Variants in RNF130 observed in about 807,000 individuals in gnomAD.
RNF130 encodes the protein E3 ubiquitin-protein ligase RNF130.
A neutral mutation model predicts 44.6 loss-of-function variants in RNF130; 21 were observed. The observed-to-expected ratio is 0.47, with a 90% CI of 0.33 to 0.68. RNF130 has a LOEUF of 0.68. Ranked by LOEUF, RNF130 falls within the 30% of genes least tolerant of loss-of-function variation. RNF130 has a pLI of 0.02. For missense variants in RNF130, 479 were observed against 560.6 expected (o/e 0.85, Z 1.47); for synonymous variants, 214 against 210.4 (o/e 1.02, Z -0.15).
At chr5:180,064,228 T>C (rs956102945) in intron 1 of RNF130, among the ~76,000 whole-genome samples, 2 of 152,212 alleles carry the variant, frequency 1.3e-5, no homozygotes, top group Non-Finnish European at 2.9e-5. Context: ...TTCCACAGCA[T>C]GTCACTGGAG....
At chr5:179,974,607 C>G (rs949468606) in intron 5 of RNF130, among the ~76,000 whole-genome samples, 1 of 152,202 alleles carries the variant, frequency 6.6e-6, no homozygotes, top group Non-Finnish European at 1.5e-5. Flanking sequence ...AAGATGGACA[C>G]GAGGGTGTCC....
At chr5:180,005,547 T>A (rs995717599) in intron 3 of RNF130, among the ~76,000 whole-genome samples, 1 of 152,198 alleles carries the variant, frequency 6.6e-6, no homozygotes, top group Non-Finnish European at 1.5e-5. Context: ...TAATATCAGC[T>A]CAACACTCAC....
intron 1 of RNF130, among the ~76,000 whole-genome samples, chr5:180,062,925 G>T (rs1034397842): frequency 6.6e-6 from 1 of 152,190 alleles, no homozygotes; most frequent in Non-Finnish European, 1.5e-5. Context: ...AACACTGTGG[G>T]ATGCCAACCA....
intron 2 of RNF130, among the ~76,000 whole-genome samples, chr5:180,033,021 G>A (rs569607531): frequency 6.6e-5 from 10 of 151,668 alleles, no homozygotes; most frequent in African/African-American, 1.7e-4. Context: ...GTTGCCCGGC[G>A]AGAATGCAGC....
chr5:180,024,714 C>G (rs979228343), intron 2 of RNF130, among the ~76,000 whole-genome samples: 5 of 152,166 alleles, frequency 3.3e-5, no homozygotes, highest in Admixed American at 6.5e-5. Flanking sequence ...CTTGGAAATT[C>G]AGAAAGAAAT....
exon 8 of RNF130, chr5:179,920,384 A>C (rs1016471088): frequency 1.4e-6 from 1 of 702,604 alleles, no homozygotes; most frequent in Admixed American, 2.0e-5. Flanking sequence ...TTCATACACC[A>C]GACTCCGAGG....
At chr5:180,059,100 G>A (rs1323612445) in intron 1 of RNF130, among the ~76,000 whole-genome samples, 2 of 151,992 alleles carry the variant, frequency 1.3e-5, no homozygotes, top group Non-Finnish European at 2.9e-5. Flanking sequence ...CAACTCTACT[G>A]TGCCCCACTC....
intron 3 of RNF130, among the ~76,000 whole-genome samples, chr5:180,002,781 C>T (rs1462753407): frequency 6.6e-6 from 1 of 152,192 alleles, no homozygotes; most frequent in Non-Finnish European, 1.5e-5. Flanking sequence ...GAGCTTCTGT[C>T]ATTCCTCGGA....
chr5:180,039,501 G>A (rs903217614), intron 2 of RNF130, among the ~76,000 whole-genome samples: 11 of 152,070 alleles, frequency 7.2e-5, no homozygotes, highest in African/African-American at 2.7e-4. Context: ...GCCTCCTAAA[G>A]TATATCTTAC....
At chr5:180,028,381 A>C (rs1764042315) in intron 2 of RNF130, among the ~76,000 whole-genome samples, 1 of 152,068 alleles carries the variant, frequency 6.6e-6, no homozygotes, top group Admixed American at 6.5e-5. Flanking sequence ...CCCTCTCTCT[A>C]CTTGCAGTTA....
chr5:179,956,014 C>T lies in RNF130; in HGVS notation c.1245-345G>A, dbSNP rs546100879. Reference sequence around the variant, plus strand: ...GAATGCTGAGGGTGCTGAAATCTGCCGCTGTTGTCTTTAAAAAATGCTCCT... The same window carrying T: ...GAATGCTGAGGGTGCTGAAATCTGCTGCTGTTGTCTTTAAAAAATGCTCCT... On this transcript the variant is annotated intron_variant, in intron 8 of 8. Transcript: ENST00000521389. The T allele has an allele frequency of 3.6e-4, 76 of 211,114 alleles. 1 individual carries two copies. Among genetic ancestry groups the T allele is most frequent in the African/African-American group, 1.1e-3 (49 of 43,964 alleles). The allele number at this position is 211,114 out of a possible 1,614,324, so 13.1% of individuals were successfully genotyped here.
intron 1 of RNF130, among the ~76,000 whole-genome samples, chr5:180,045,547 T>C (rs1269949688): frequency 6.6e-6 from 1 of 152,244 alleles, no homozygotes; most frequent in Non-Finnish European, 1.5e-5. Flanking sequence ...TTGCCGCTGC[T>C]GGCTCGGGCA....
intron 2 of RNF130, among the ~76,000 whole-genome samples, chr5:180,013,735 G>C (rs1290344571): frequency 6.6e-6 from 1 of 152,162 alleles, no homozygotes; most frequent in Non-Finnish European, 1.5e-5. Context: ...AATTCCTTAA[G>C]AAATGGAGTA....
chr5:179,931,032 C>CAAAAAAAAAA (rs34266288), intron 7 of RNF130, among the ~76,000 whole-genome samples: 1 of 74,300 alleles, frequency 1.3e-5, no homozygotes, highest in Non-Finnish European at 2.6e-5. Context: ...ACCTCTGTCT[C>CAAAAAAAAAA]AAAAAAAAAA....
intron 1 of RNF130, among the ~76,000 whole-genome samples, chr5:180,051,815 T>C (rs1764693202): frequency 6.6e-6 from 1 of 152,210 alleles, no homozygotes. Context: ...TGACGGCTAA[T>C]ACAAATCACT....
chr5:179,998,072 C>T (rs1254426985), intron 3 of RNF130, among the ~76,000 whole-genome samples: 1 of 152,102 alleles, frequency 6.6e-6, no homozygotes, highest in Non-Finnish European at 1.5e-5. Flanking sequence ...GATCTCTTGA[C>T]CTCGTGATCC....
At chr5:179,970,127 C>T (rs1385133460) in intron 6 of RNF130, among the ~76,000 whole-genome samples, 5 of 152,042 alleles carry the variant, frequency 3.3e-5, no homozygotes, top group Admixed American at 6.5e-5. Flanking sequence ...TACACTCCAG[C>T]TTGGGCCACA....
chr5:179,971,888 T>C (rs1437665422), intron 5 of RNF130, among the ~76,000 whole-genome samples: 2 of 152,204 alleles, frequency 1.3e-5, no homozygotes, highest in Non-Finnish European at 2.9e-5. Context: ...CGTCTGCCTA[T>C]CACTGTTTGA....
At chr5:179,939,243 G>A (rs528091772) in intron 7 of RNF130, among the ~76,000 whole-genome samples, 4 of 150,390 alleles carry the variant, frequency 2.7e-5, no homozygotes, top group South Asian at 2.1e-4. Flanking sequence ...ATAAATAAAA[G>A]TGCATACAGA....
Sources: gnomAD v4.1 joint callset for allele counts (sites outside exome capture counted in the v4.1 genomes callset) on GRCh38, gnomAD v4.1.1 for gene constraint, MANE v1.5 for transcripts, NCBI Gene and HGNC (gene_info 2026-07-23, HGNC 2026-07-21) for gene names.